EFHC2: variants seen among roughly 807,000 people sequenced by gnomAD.
The protein encoded by EFHC2 is EF-hand domain containing 2, also known as EF-hand domain-containing family member C2.
Under a neutral mutation model 52.7 loss-of-function variants are expected in EFHC2, and 18 were observed. The observed-to-expected ratio is 0.34, with a 90% CI of 0.24 to 0.51. The LOEUF (loss-of-function observed/expected upper bound fraction) is 0.51. EFHC2 is among the 20% of genes least tolerant of loss of function. The pLI is 0.97. For missense variants in EFHC2, 513 were observed against 562.5 expected, an observed-to-expected ratio of 0.91 and a Z score of 0.89; for synonymous variants, 203 against 204.1, an observed-to-expected ratio of 0.99 and a Z score of 0.04.
At chrX:44,202,048 AT>A (rs1343872587) in intron 11 of EFHC2, among the ~76,000 whole-genome samples, 4 of 112,207 alleles carry the variant, frequency 3.6e-5, no homozygotes, top group Non-Finnish European at 7.5e-5. Context: ...AGAAAAAAAA[AT>A]CATAAGGATT....
chrX:44,275,828 C>T (rs1328869925), intron 2 of EFHC2, among the ~76,000 whole-genome samples: 1 of 106,534 alleles, frequency 9.4e-6, no homozygotes, highest in Non-Finnish European at 1.9e-5. Flanking sequence ...GCAGGAGAAT[C>T]GCTTGAACCC....
chrX:44,311,634 C>A (rs1182996488), intron 2 of EFHC2, among the ~76,000 whole-genome samples: 1 of 111,691 alleles, frequency 9.0e-6, no homozygotes, highest in Non-Finnish European at 1.9e-5. Context: ...AAATACATTC[C>A]TTTTTCTAAC....
intron 1 of EFHC2, among the ~76,000 whole-genome samples, chrX:44,336,871 T>C (rs2038120685): frequency 8.9e-6 from 1 of 112,226 alleles, no homozygotes; most frequent in Non-Finnish European, 1.9e-5. Flanking sequence ...TACAGGTCTA[T>C]AAAGAAATCA....
chrX:44,343,662 G>T lies in EFHC2; in HGVS notation c.-74C>A. On this transcript the variant is annotated 5_prime_UTR_variant, in exon 1 of 15. Transcript: ENST00000420999. ...GGCAGCGGCGCCTCCCGGCCGTGTT[G>T]TTTGGCCCCCACGTTGCCTGGAGAC... The T allele has an allele frequency of 1.8e-6, 2 of 1,092,008 alleles. No individual in the cohort carries two copies. Among genetic ancestry groups the T allele is most frequent in the Non-Finnish European group, 2.5e-6 (2 of 813,127 alleles). 90.0% of individuals were successfully genotyped at this position (1,092,008 alleles called of 1,213,427 possible).
chrX:44,170,388 G>A (rs1044846613), intron 13 of EFHC2, among the ~76,000 whole-genome samples: 1 of 111,156 alleles, frequency 9.0e-6, no homozygotes, highest in African/African-American at 3.3e-5. Flanking sequence ...GAGAGAATCA[G>A]GACATAAGGA....
intron 4 of EFHC2, among the ~76,000 whole-genome samples, chrX:44,256,197 T>A (rs751755488): frequency 9.0e-6 from 1 of 111,462 alleles, no homozygotes; most frequent in South Asian, 3.8e-4. Context: ...GAGAAAGATC[T>A]AAAATCAACA....
At chrX:44,268,197 C>CT (rs1478652817) in intron 3 of EFHC2, among the ~76,000 whole-genome samples, 1 of 110,940 alleles carries the variant, frequency 9.0e-6, no homozygotes, top group Non-Finnish European at 1.9e-5. Context: ...TTACTCAGGT[C>CT]TTTTTTTTCT....
chrX:44,252,850 G>A (rs1052219309), intron 4 of EFHC2, among the ~76,000 whole-genome samples: 2 of 111,792 alleles, frequency 1.8e-5, no homozygotes, highest in Non-Finnish European at 3.8e-5. Context: ...CAAGATGGCC[G>A]AATAGGAACA....
intron 11 of EFHC2, 132 bp downstream of exon 11, chrX:44,229,517 A>G: frequency 1.1e-6 from 1 of 949,366 alleles, no homozygotes; most frequent in Non-Finnish European, 1.5e-6. Flanking sequence ...CTTTACCACA[A>G]AATAATACAA....
chrX:44,316,994 T>C (rs1257135239), intron 1 of EFHC2, among the ~76,000 whole-genome samples: 1 of 111,998 alleles, frequency 8.9e-6, no homozygotes, highest in Non-Finnish European at 1.9e-5. Context: ...TTGTTACTAC[T>C]TGAGACCGTC....
chrX:44,201,017 T>C (rs2037002816), intron 11 of EFHC2, among the ~76,000 whole-genome samples: 1 of 111,810 alleles, frequency 8.9e-6, no homozygotes, highest in Admixed American at 9.5e-5. Context: ...AAGACTTAAT[T>C]CCCAGGTTTA....
intron 3 of EFHC2, among the ~76,000 whole-genome samples, chrX:44,268,061 T>C (rs953529004): frequency 8.9e-6 from 1 of 111,939 alleles, no homozygotes; most frequent in African/African-American, 3.2e-5. Flanking sequence ...TCAATGTCAT[T>C]ACGCAGCGTG....
intron 11 of EFHC2, among the ~76,000 whole-genome samples, chrX:44,194,732 C>T (rs2036948797): frequency 1.8e-5 from 2 of 111,614 alleles, no homozygotes; most frequent in African/African-American, 6.5e-5. Context: ...TCAGTTATAA[C>T]CCTAACTTCC....
At chrX:44,230,092 C>T (rs747586061) in intron 10 of EFHC2, among the ~76,000 whole-genome samples, 12 of 111,253 alleles carry the variant, frequency 1.1e-4, no homozygotes, top group Non-Finnish European at 2.3e-4. Context: ...TGGATAGTGG[C>T]CCAATATGTT....
At chrX:44,171,987 C>T (rs753414132) in intron 13 of EFHC2, among the ~76,000 whole-genome samples, 1 of 111,929 alleles carries the variant, frequency 8.9e-6, no homozygotes, top group Admixed American at 9.4e-5. Context: ...GCCTCACTGC[C>T]AGGTATTGTT....
intron 11 of EFHC2, among the ~76,000 whole-genome samples, chrX:44,196,116 C>T (rs2036964187): frequency 8.9e-6 from 1 of 111,752 alleles, no homozygotes; most frequent in Non-Finnish European, 1.9e-5. Context: ...GGGGTTTCAC[C>T]ATGTTGCCCA....
At chrX:44,248,091 T>C (rs916940056) in intron 7 of EFHC2, among the ~76,000 whole-genome samples, 181 bp downstream of exon 7, 1 of 111,256 alleles carries the variant, frequency 9.0e-6, no homozygotes, top group African/African-American at 3.3e-5. Flanking sequence ...ATGGGGATAA[T>C]GAGCCTATCC....
chrX:44,308,333 AGTGCTTTTAAAGC>A (rs2037920966), intron 2 of EFHC2, among the ~76,000 whole-genome samples: 1 of 110,611 alleles, frequency 9.0e-6, no homozygotes, highest in Non-Finnish European at 1.9e-5. Flanking sequence ...CCCACATATA[AGTGCTTTTAAAGC>A]ATTATCTCAT....
intron 11 of EFHC2, among the ~76,000 whole-genome samples, chrX:44,222,802 A>C (rs2037203616): frequency 8.9e-6 from 1 of 112,061 alleles, no homozygotes; most frequent in African/African-American, 3.2e-5. Context: ...TTTACAGCAC[A>C]TAATGTAATG....
Sources: gnomAD v4.1 joint callset for allele counts (sites outside exome capture counted in the v4.1 genomes callset) on GRCh38, gnomAD v4.1.1 for gene constraint, MANE v1.5 for transcripts, NCBI Gene and HGNC (gene_info 2026-07-23, HGNC 2026-07-21) for gene names.